Variants in NCOR1 observed in about 807,000 individuals in gnomAD.
NCOR1 encodes nuclear receptor corepressor 1, also known as protein phosphatase 1, regulatory subunit 109.
A neutral mutation model predicts 288.1 loss-of-function variants in NCOR1; 63 were observed. The observed-to-expected ratio is 0.22, with a 90% CI of 0.18 to 0.27. The LOEUF is 0.27. Ranked by LOEUF, NCOR1 falls within the 10% of genes least tolerant of loss-of-function variation. The pLI is 1.00. For synonymous variants in NCOR1, 1,007 were observed against 1,065.9 expected, an observed-to-expected ratio of 0.94 and a Z score of 1.08; for missense variants, 2,397 against 3,019.2, an observed-to-expected ratio of 0.79 and a Z score of 4.83.
intron 14 of NCOR1, among the ~76,000 whole-genome samples, chr17:16,134,344 G>GA (rs1259915314): frequency 6.6e-6 from 1 of 152,112 alleles, no homozygotes; most frequent in Non-Finnish European, 1.5e-5. Context: ...AAAATTGGAG[G>GA]AAAAATCTTC....
rs567821198 is a variant in NCOR1 at position 16,032,511 on chromosome 17, T to A, written c.7136-28A>T. ...GACAAAAGAAAAATTAGGTTTTCAT[T>A]GTCATGAACATAACTGGTATTTCAT... On this transcript the variant is annotated intron_variant, in intron 45 of 45. Transcript: ENST00000268712. The A allele has an allele frequency of 6.4e-6, 10 of 1,551,542 alleles. No homozygotes were observed. In the Admixed American group the frequency reaches 1.0e-4, roughly 16 times the overall value.
chr17:16,209,087 C>A (rs2091872433), intron 1 of NCOR1, among the ~76,000 whole-genome samples: 2 of 152,056 alleles, frequency 1.3e-5, no homozygotes, highest in South Asian at 4.1e-4. Flanking sequence ...AACTCAGATA[C>A]AGACATGCCT....
chr17:16,035,769 T>A, intron 44 of NCOR1, among the ~76,000 whole-genome samples: 1 of 152,054 alleles, frequency 6.6e-6, no homozygotes, highest in East Asian at 1.9e-4. Flanking sequence ...CTCAAACTCC[T>A]GGGTTCAAGT....
rs924214998 is a variant in NCOR1 at position 16,211,897 on chromosome 17, T to C, written c.-71+3465A>G. On this transcript the variant is annotated intron_variant, in intron 1 of 45. Coordinates refer to ENST00000268712, the MANE Select transcript of NCOR1 (RefSeq NM_006311.4). ...TTCCAGTGCTCTTAAAAAGTGCTAA[T>C]AGAAAAAGAAACAAAATGTTTTCTT... 3.3e-5 allele frequency among the ~76,000 whole-genome samples: 5 copies of C among 152,248 alleles called. 1 individual carries two copies. The South Asian group carries it at 6.2e-4, about 19-fold the overall frequency.
At chr17:16,127,669 A>G (rs142902364) in intron 14 of NCOR1, among the ~76,000 whole-genome samples, 1,511 of 144,882 alleles carry the variant, frequency 0.01, 19 homozygotes, top group Middle Eastern at 0.022. Flanking sequence ...ACATATATGT[A>G]TATATGTGTA....
At position 16,048,839 on chromosome 17, in the gene NCOR1, A is replaced by G. The variant is rs766384832; in HGVS notation, c.6536+6T>C. On this transcript the variant is annotated splice_donor_region_variant and intron_variant, in intron 41 of 45. Coordinates refer to ENST00000268712, the MANE Select transcript of NCOR1 (RefSeq NM_006311.4). ...AATGGTTGCTGTCACTAGGAAGCAC[A>G]CTTACCTCTGCTCTGCAGGCTCTGC... is the stretch of plus-strand genomic sequence containing the variant. The G allele has an allele frequency of 3.1e-6, 5 of 1,599,820 alleles. 1 individual carries two copies. The highest frequency in any genetic ancestry group is 2.3e-5 in the East Asian group (1 of 44,242).
At chr17:16,199,214 A>ACACACACACAC (rs1555813515) in intron 1 of NCOR1, among the ~76,000 whole-genome samples, 15 of 111,792 alleles carry the variant, frequency 1.3e-4, no homozygotes, top group African/African-American at 4.8e-4. Context: ...GAAAAAAAAA[A>ACACACACACAC]AAACACACAC....
At chr17:16,195,324 A>T (rs1054487682) in intron 1 of NCOR1, among the ~76,000 whole-genome samples, 1 of 152,170 alleles carries the variant, frequency 6.6e-6, no homozygotes, top group Admixed American at 6.5e-5. Context: ...TACAAAAATT[A>T]GCCGGGCACG....
chr17:16,210,180 T>G (rs1449449957), intron 1 of NCOR1, among the ~76,000 whole-genome samples: 1 of 151,980 alleles, frequency 6.6e-6, no homozygotes, highest in Non-Finnish European at 1.5e-5. Context: ...GGTCAGGAGT[T>G]CGAGATCAGC....
At chr17:16,048,090 G>A (rs938245543) in intron 41 of NCOR1, among the ~76,000 whole-genome samples, 1 of 152,214 alleles carries the variant, frequency 6.6e-6, no homozygotes, top group Non-Finnish European at 1.5e-5. Context: ...AAAGGCCTTC[G>A]TTTAAAACTG....
At chr17:16,088,063 AT>A (rs2064530700) in intron 22 of NCOR1, among the ~76,000 whole-genome samples, 1 of 152,138 alleles carries the variant, frequency 6.6e-6, no homozygotes, top group Non-Finnish European at 1.5e-5. Flanking sequence ...GACCACTTAG[AT>A]TTGTAGCATT....
At chr17:16,100,845 G>T (rs1021423238) in intron 20 of NCOR1, among the ~76,000 whole-genome samples, 2 of 152,116 alleles carry the variant, frequency 1.3e-5, no homozygotes, top group African/African-American at 4.8e-5. Flanking sequence ...GTAGGGGCTG[G>T]TAGGCCTTGT....
chr17:16,163,961 T>C (rs1439637671), intron 5 of NCOR1, among the ~76,000 whole-genome samples: 1 of 152,152 alleles, frequency 6.6e-6, no homozygotes, highest in Non-Finnish European at 1.5e-5. Context: ...AGACAGAGAA[T>C]AGACTAGTGG....
intron 44 of NCOR1, among the ~76,000 whole-genome samples, chr17:16,037,079 T>C (rs114656050): frequency 2.0e-5 from 3 of 152,318 alleles, no homozygotes; most frequent in East Asian, 1.9e-4. Flanking sequence ...GCAGGGTTAA[T>C]TGGCCGAATT....
chr17:16,192,281 A>C (rs1363917998), intron 2 of NCOR1: 1 of 151,132 alleles, frequency 6.6e-6, no homozygotes, highest in Non-Finnish European at 1.5e-5. Flanking sequence ...TGGGACGCCG[A>C]GGCAGGCAGA....
At chr17:16,210,761 ACT>A (rs2092041023) in intron 1 of NCOR1, among the ~76,000 whole-genome samples, 1 of 143,728 alleles carries the variant, frequency 7.0e-6, no homozygotes, top group African/African-American at 2.8e-5. Context: ...GCAGAGTCTC[ACT>A]CAGTCACCCA....
intron 6 of NCOR1, among the ~76,000 whole-genome samples, chr17:16,157,564 G>T (rs1027920771): frequency 6.6e-5 from 10 of 151,814 alleles, no homozygotes; most frequent in African/African-American, 1.5e-4. Context: ...TTCGGCTGTG[G>T]ACTACTATAA....
chr17:16,211,998 C>G (rs765736861), intron 1 of NCOR1, among the ~76,000 whole-genome samples: 1 of 152,156 alleles, frequency 6.6e-6, no homozygotes, highest in Non-Finnish European at 1.5e-5. Flanking sequence ...ATCTATAGGG[C>G]CGGGCACAGT....
At chr17:16,194,071 C>T (rs1402143355) in intron 2 of NCOR1, among the ~76,000 whole-genome samples, 1 of 152,166 alleles carries the variant, frequency 6.6e-6, no homozygotes, top group East Asian at 1.9e-4. Flanking sequence ...AATCTTCCTA[C>T]CATCAATTTC....
Sources: allele counts gnomAD v4.1 joint callset (sites outside exome capture counted in the v4.1 genomes callset), GRCh38; gene constraint gnomAD v4.1.1; transcripts MANE v1.5; gene names NCBI Gene and HGNC (gene_info 2026-07-23, HGNC 2026-07-21).